The following CDK19 variants were observed in gnomAD, a reference collection of about 807,000 sequenced individuals.
The protein encoded by CDK19 is cyclin dependent kinase 19.
In CDK19, 20 loss-of-function variants were observed where a neutral mutation model predicts 68.3. That is an observed-to-expected ratio of 0.29 (90% CI 0.21 to 0.43). The LOEUF (loss-of-function observed/expected upper bound fraction) is 0.43. Among genes scored for constraint, CDK19 ranks in the 20% least tolerant of loss-of-function variants. The pLI is 1.00. For synonymous variants in CDK19, 221 were observed against 222.8 expected, an observed-to-expected ratio of 0.99 and a Z score of 0.07; for missense variants, 339 against 623.5, an observed-to-expected ratio of 0.54 and a Z score of 4.86.
chr6:110,612,802 G>C lies in CDK19; in HGVS notation c.*1733C>G, dbSNP rs541546538. 13 of 152,736 alleles carry C rather than the reference G, an allele frequency of 8.5e-5. No individual in the cohort carries two copies. Among genetic ancestry groups the C allele is most frequent in the Admixed American group, 7.8e-4 (12 of 15,300 alleles). 9.5% of individuals were successfully genotyped at this position (152,736 alleles called of 1,614,324 possible). A position where few individuals can be genotyped will look rare whatever the true frequency, so the allele number is the denominator to read the frequency against. ...TGCTTCATCTTCAGTCTTGATGAGT[G>C]TCACTATGCAGACTTCATTATTAGT... is the stretch of plus-strand genomic sequence containing the variant. On this transcript the variant is annotated 3_prime_UTR_variant, in exon 13 of 13. Transcript: ENST00000368911.
intron 2 of CDK19, among the ~76,000 whole-genome samples, chr6:110,685,331 C>T (rs1772383572): frequency 6.6e-6 from 1 of 152,156 alleles, no homozygotes; most frequent in African/African-American, 2.4e-5. Context: ...CTGATAAATG[C>T]CTACTTACTT....
intron 1 of CDK19, among the ~76,000 whole-genome samples, chr6:110,763,204 T>C (rs1779343047): frequency 6.6e-6 from 1 of 152,162 alleles, no homozygotes; most frequent in African/African-American, 2.4e-5. Flanking sequence ...TAATCCCATC[T>C]TTCTCATAAA....
In CDK19 at chr6:110,667,701, G is replaced by T. The variant is rs193086208; in HGVS notation, c.316-127C>A. The T allele has an allele frequency of 1.2e-4, 59 of 476,668 alleles. No homozygotes were observed. In the East Asian group the frequency reaches 2.0e-3, roughly 16 times the overall value. 29.5% of individuals were successfully genotyped at this position (476,668 alleles called of 1,614,324 possible). On this transcript the variant is annotated intron_variant, in intron 3 of 12. Coordinates refer to ENST00000368911, the MANE Select transcript of CDK19 (RefSeq NM_015076.5). ...TATTAAAGGCCAATAATGACACAAAGAAAAATAATTTGAGTAATAAGTTCA... is the reference window on the plus strand; with the variant it reads ...TATTAAAGGCCAATAATGACACAAATAAAAATAATTTGAGTAATAAGTTCA...
chr6:110,804,160 G>A (rs1350913589), intron 1 of CDK19, among the ~76,000 whole-genome samples: 3 of 151,970 alleles, frequency 2.0e-5, no homozygotes, highest in African/African-American at 7.3e-5. Flanking sequence ...AAAGTTAACT[G>A]GCCTACTTGG....
intron 1 of CDK19, among the ~76,000 whole-genome samples, chr6:110,752,690 T>C (rs751800163): frequency 7.2e-5 from 11 of 152,230 alleles, no homozygotes; most frequent in African/African-American, 2.4e-4. Flanking sequence ...AGTTTGATTA[T>C]GTCTTTGCTT....
At chr6:110,636,825 A>T (rs1391473450) in intron 5 of CDK19, among the ~76,000 whole-genome samples, 1 of 152,258 alleles carries the variant, frequency 6.6e-6, no homozygotes, top group Admixed American at 6.5e-5. Flanking sequence ...AAGGTGAAAA[A>T]GAGAAACTTG....
intron 2 of CDK19, among the ~76,000 whole-genome samples, chr6:110,722,099 G>A (rs993057755): frequency 1.3e-5 from 2 of 152,174 alleles, no homozygotes; most frequent in South Asian, 2.1e-4. Context: ...CATATGACAT[G>A]GCAAATTTTA....
intron 4 of CDK19, among the ~76,000 whole-genome samples, chr6:110,661,111 A>G (rs1045507272): frequency 2.6e-5 from 4 of 152,212 alleles, no homozygotes; most frequent in Admixed American, 2.0e-4. Context: ...CCAAAGTCAT[A>G]TAATATATAG....
intron 2 of CDK19, among the ~76,000 whole-genome samples, chr6:110,739,180 C>G (rs1176480254): frequency 2.0e-5 from 3 of 152,158 alleles, no homozygotes; most frequent in Non-Finnish European, 4.4e-5. Context: ...AATCCTAAAC[C>G]CTAACCAAAG....
At position 110,772,714 on chromosome 6, in the gene CDK19, A is replaced by G. The variant is rs1162320366; in HGVS notation, c.129-26513T>C. ...TCCAGACCAGCCTGGGCAATAAAGC[A>G]AGACCCTGTCTCTACAAATAACTTA... On this transcript the variant is annotated intron_variant, in intron 1 of 12. Transcript: ENST00000368911. Among the ~76,000 whole-genome samples, 5 of 149,712 alleles carry G rather than the reference A, an allele frequency of 3.3e-5. 1 individual carries two copies. The highest frequency in any genetic ancestry group is 3.3e-4 in the Admixed American group (5 of 15,100).
At chr6:110,654,676 C>T (rs981451741) in intron 4 of CDK19, among the ~76,000 whole-genome samples, 1 of 152,210 alleles carries the variant, frequency 6.6e-6, no homozygotes, top group Non-Finnish European at 1.5e-5. Context: ...TGCAGTGGCT[C>T]ATGCCTGTAA....
At chr6:110,678,810 A>G (rs1471689068) in intron 2 of CDK19, among the ~76,000 whole-genome samples, 1 of 152,244 alleles carries the variant, frequency 6.6e-6, no homozygotes, top group Non-Finnish European at 1.5e-5. Flanking sequence ...CACATAACTG[A>G]TAACGATGCA....
intron 4 of CDK19, among the ~76,000 whole-genome samples, chr6:110,653,363 TA>T (rs1174545774): frequency 6.6e-6 from 1 of 151,866 alleles, no homozygotes; most frequent in African/African-American, 2.4e-5. Context: ...TGCTCTTTTT[TA>T]AAAAAAAGAA....
At chr6:110,780,768 T>A (rs144752375) in intron 1 of CDK19, among the ~76,000 whole-genome samples, 30 of 152,068 alleles carry the variant, frequency 2.0e-4, no homozygotes, top group Admixed American at 1.0e-3. Flanking sequence ...TCCAAGGTAC[T>A]ATGAGTGCAA....
At chr6:110,671,835 T>C (rs571589512) in intron 2 of CDK19, among the ~76,000 whole-genome samples, 46 of 152,292 alleles carry the variant, frequency 3.0e-4, no homozygotes, top group African/African-American at 9.9e-4. Flanking sequence ...TGGAATGCAA[T>C]GGCACAATCT....
intron 1 of CDK19, among the ~76,000 whole-genome samples, chr6:110,779,941 C>T (rs771445042): frequency 2.6e-5 from 4 of 151,232 alleles, no homozygotes; most frequent in Non-Finnish European, 5.9e-5. Context: ...AAAGTTAGGC[C>T]AGGCGCAATG....
At chr6:110,706,414 TG>T (rs1341859026) in intron 2 of CDK19, 14,512 of 84,116 alleles carry the variant, frequency 0.17, 4,898 homozygotes, top group South Asian at 0.32. Context: ...GTTTTTTTTT[TG>T]TTTGTTTTTT....
chr6:110,657,759 C>T (rs1298489879), intron 4 of CDK19, among the ~76,000 whole-genome samples: 1 of 152,142 alleles, frequency 6.6e-6, no homozygotes. Flanking sequence ...AAACTTTATG[C>T]TTAAGTCAGT....
chr6:110,643,258 T>C lies in CDK19; in HGVS notation c.457-4552A>G, dbSNP rs1218279927. 6.1e-6 allele frequency: 7 copies of C among 1,138,680 alleles called. 1 individual carries two copies. In the South Asian group the frequency reaches 9.0e-5, roughly 15 times the overall value. 70.5% of individuals were successfully genotyped at this position (1,138,680 alleles called of 1,614,324 possible). A position where few individuals can be genotyped will look rare whatever the true frequency, so the allele number is the denominator to read the frequency against. On this transcript the variant is annotated intron_variant, in intron 4 of 12. Transcript: ENST00000368911. ...AAGACACAGGTATTTCCATAGTGGA[T>C]TAAAAACAAAATCCATGCTATTTAA...
Sources: gnomAD v4.1 joint callset for allele counts (sites outside exome capture counted in the v4.1 genomes callset) on GRCh38, gnomAD v4.1.1 for gene constraint, MANE v1.5 for transcripts, NCBI Gene and HGNC (gene_info 2026-07-23, HGNC 2026-07-21) for gene names.